ESAM: variants seen among roughly 807,000 people sequenced by gnomAD.
ESAM encodes the protein endothelial cell adhesion molecule.
Under a neutral mutation model 31.8 loss-of-function variants are expected in ESAM, and 23 were observed. The observed-to-expected ratio is 0.72, with a 90% CI of 0.52 to 1.03. The LOEUF (loss-of-function observed/expected upper bound fraction) is 1.03. Among genes scored for constraint, ESAM ranks in the 50% least tolerant of loss-of-function variants. The pLI is 0.00. For synonymous variants in ESAM, 216 were observed against 207.2 expected, an observed-to-expected ratio of 1.04 and a Z score of -0.37; for missense variants, 478 against 488.9, an observed-to-expected ratio of 0.98 and a Z score of 0.21.
intron 3 of ESAM, 63 bp downstream of exon 3, chr11:124,756,478 G>A: frequency 6.3e-7 from 1 of 1,598,086 alleles, no homozygotes; most frequent in East Asian, 2.2e-5. Flanking sequence ...TCATTTAGGA[G>A]AGAGACTCAC....
Sources: gnomAD v4.1 joint callset for allele counts on GRCh38, gnomAD v4.1.1 for gene constraint, MANE v1.5 for transcripts, NCBI Gene and HGNC (gene_info 2026-07-23, HGNC 2026-07-21) for gene names.